Variants in C5AR2 observed in about 807,000 individuals in gnomAD.
C5AR2 encodes the protein complement C5a receptor 2.
For missense variants in C5AR2, 458 were observed against 467.5 expected, an observed-to-expected ratio of 0.98 and a Z score of 0.19; for synonymous variants, 224 against 216.5, an observed-to-expected ratio of 1.03 and a Z score of -0.30.
intron 1 of C5AR2, among the ~76,000 whole-genome samples, chr19:47,339,898 T>C (rs77646732): frequency 0.023 from 3,464 of 152,316 alleles, 54 homozygotes; most frequent in Non-Finnish European, 0.033. Context: ...ATTTTTCCCA[T>C]AGTATTTATT....
intron 1 of C5AR2, among the ~76,000 whole-genome samples, chr19:47,335,479 T>C (rs1454203921): frequency 2.6e-5 from 4 of 151,936 alleles, no homozygotes; most frequent in Middle Eastern, 3.4e-3. Flanking sequence ...GCACAGAAAG[T>C]TTCCTGGATT....
At chr19:47,336,278 C>T (rs1015529371) in intron 1 of C5AR2, among the ~76,000 whole-genome samples, 1 of 151,926 alleles carries the variant, frequency 6.6e-6, no homozygotes, top group Non-Finnish European at 1.5e-5. Flanking sequence ...TTAGTAGAGA[C>T]CAGGTTTCAC....
In C5AR2 at chr19:47,341,244, T is replaced by A. The variant is rs1969019129; in HGVS notation, c.445T>A (p.Cys149Ser). ...PAWWSTVQRACGVQVACGAAW... is the reference protein window; with the variant it reads ...PAWWSTVQRASGVQVACGAAW... ...CTGGTGGTCTACGGTTCAGCGGGCG[T>A]GCGGGGTGCAGGTGGCCTGTGGGGC... Residue 149 changes from cysteine (C) to serine (S), a missense_variant, in exon 2 of 2, where the codon TGC becomes AGC. Transcript: ENST00000595464. The surrounding 1 kb of genome is among the most constrained non-coding windows in gnomAD (Gnocchi z 4.6). 6.2e-7 allele frequency: 1 copy of A among 1,602,354 alleles called. No homozygotes were observed. Among genetic ancestry groups the A allele is most frequent in the African/African-American group, 1.3e-5 (1 of 74,886 alleles).
chr19:47,345,509 C>T lies in C5AR2; in HGVS notation c.*3696C>T, dbSNP rs2972602. Reference sequence around the variant, plus strand: ...CCTCCCCAGTAGCTGGGACTACAGGCGTGTGCCACCAAACCCAGCTAATGT... The same window carrying T: ...CCTCCCCAGTAGCTGGGACTACAGGTGTGTGCCACCAAACCCAGCTAATGT... On this transcript the variant is annotated 3_prime_UTR_variant, in exon 2 of 2. Transcript: ENST00000595464. The T allele has an allele frequency of 0.011, 1,721 of 151,728 alleles. 23 individuals carry two copies. Among genetic ancestry groups the T allele is most frequent in the Middle Eastern group, 0.071 (21 of 294 alleles). 9.4% of individuals were successfully genotyped at this position (151,728 alleles called of 1,614,324 possible). A position where few individuals can be genotyped will look rare whatever the true frequency, so the allele number is the denominator to read the frequency against.
Position 47,346,985 on chromosome 19 carries a change from C to T in C5AR2, c.*5172C>T, listed in dbSNP as rs1969128368. On this transcript the variant is annotated 3_prime_UTR_variant, in exon 2 of 2. Transcript: ENST00000595464. The stretch of plus-strand genomic sequence containing the variant: ...ATGTTTTCATTTTGTAGATCATTAG[C>T]CCTTCTTTTTTGAACTGGAATACAT... The T allele has an allele frequency of 1.3e-5, 2 of 152,242 alleles. No individual in the cohort carries two copies. The highest frequency in any genetic ancestry group is 4.1e-4 in the South Asian group (2 of 4,828). The allele number at this position is 152,242 out of a possible 1,614,324, so 9.4% of individuals were successfully genotyped here.
At position 47,335,702 on chromosome 19, in the gene C5AR2, G is replaced by A. The variant is rs571581962; in HGVS notation, c.-16+3353G>A. Among the ~76,000 whole-genome samples the A allele has an allele frequency of 3.6e-5, 5 of 138,516 alleles. No individual in the cohort carries two copies. The South Asian group carries it at 7.0e-4, about 19-fold the overall frequency. The allele number at this position is 138,516 out of a possible 152,430, so 90.9% of individuals were successfully genotyped here. A position where few individuals can be genotyped will look rare whatever the true frequency, so the allele number is the denominator to read the frequency against. On this transcript the variant is annotated intron_variant, in intron 1 of 1. Coordinates refer to ENST00000595464, the MANE Select transcript of C5AR2 (RefSeq NM_001271749.2). Reference sequence around the variant, plus strand: ...CAGGAGAATCATGCGAACCCGGGAGGTGGAGCTTGCAGTGAGCCGAGATCG... The same window carrying A: ...CAGGAGAATCATGCGAACCCGGGAGATGGAGCTTGCAGTGAGCCGAGATCG...
At chr19:47,340,721 C>A in intron 1 of C5AR2, 64 bp from the exon 2 acceptor site, 1 of 1,508,474 alleles carries the variant, frequency 6.6e-7, no homozygotes, top group Admixed American at 1.7e-5. Context: ...TGATGGACAC[C>A]CTAGATCTCC....
Position 47,341,764 on chromosome 19 carries a change from A to G in C5AR2, c.965A>G (p.Asp322Gly). ...TCCCAGGGCCAGGACGAAAGTGTGG[A>G]CAGCAAGAAATCCACCAGCCATGAC... ...RESQGQDESV[D>G]SKKSTSHDLV... The change falls in exon 2 of 2, where the codon GAC becomes GGC. Residue 322 changes from aspartate to glycine, a missense_variant. Asp to Gly is a moderately conservative substitution (Grantham distance 94). Transcript: ENST00000595464. The surrounding 1 kb of genome is among the most constrained non-coding windows in gnomAD (Gnocchi z 4.6). The G allele has an allele frequency of 3.1e-6, 5 of 1,613,550 alleles. No individual in the cohort carries two copies. Among genetic ancestry groups the G allele is most frequent in the Non-Finnish European group, 4.2e-6 (5 of 1,180,022 alleles).
In C5AR2 at chr19:47,341,269, C is replaced by A; in HGVS notation, c.470C>A (p.Ala157Glu). 6.2e-7 allele frequency: 1 copy of A among 1,604,992 alleles called. No individual in the cohort carries two copies. Residue 157 changes from alanine to glutamate, a missense_variant, in exon 2 of 2, where the codon GCA becomes GAA. Transcript: ENST00000595464. The surrounding 1 kb of genome is among the most constrained non-coding windows in gnomAD (Gnocchi z 4.6). ...TGCGGGGTGCAGGTGGCCTGTGGGG[C>A]AGCCTGGACACTGGCCTTGCTGCTC... Reference protein sequence around the residue: ...RACGVQVACGAAWTLALLLTV... With the variant: ...RACGVQVACGEAWTLALLLTV...
intron 1 of C5AR2, among the ~76,000 whole-genome samples, chr19:47,335,665 G>C (rs1033336977): frequency 5.4e-5 from 8 of 149,092 alleles, no homozygotes; most frequent in Admixed American, 4.8e-4. Context: ...CCAGCTACTC[G>C]GGAGACTGAG....
rs1969079910 is a variant in C5AR2, at chr19:47,343,803, A to C, written c.*1990A>C. 1 of 151,622 alleles carries C rather than the reference A, an allele frequency of 6.6e-6. No homozygotes were observed. Among genetic ancestry groups the C allele is most frequent in the Non-Finnish European group, 1.5e-5 (1 of 67,970 alleles). 9.4% of individuals were successfully genotyped at this position (151,622 alleles called of 1,614,324 possible). ...CAGTGAGCTTAGATCACACCGCTGCACTCCAGCCTGGATGTCAGAATGAGA... is the reference window on the plus strand; with the variant it reads ...CAGTGAGCTTAGATCACACCGCTGCCCTCCAGCCTGGATGTCAGAATGAGA... On this transcript the variant is annotated 3_prime_UTR_variant, in exon 2 of 2. Coordinates refer to ENST00000595464, the MANE Select transcript of C5AR2 (RefSeq NM_001271749.2).
rs1191063316 is a variant in C5AR2, at chr19:47,345,814, G to T, written c.*4001G>T. 6.6e-6 allele frequency: 1 copy of T among 152,170 alleles called. No homozygotes were observed. Among genetic ancestry groups the T allele is most frequent in the African/African-American group, 2.4e-5 (1 of 41,440 alleles). The allele number at this position is 152,170 out of a possible 1,614,324, so 9.4% of individuals were successfully genotyped here. ...GGCAGGACTCAACTCTGGAGATGGG[G>T]CTCGGCTCGAATATTGGACCAAATT... On this transcript the variant is annotated 3_prime_UTR_variant, in exon 2 of 2. Coordinates refer to ENST00000595464, the MANE Select transcript of C5AR2 (RefSeq NM_001271749.2).
At position 47,344,253 on chromosome 19, in the gene C5AR2, G is replaced by T; in HGVS notation, c.*2440G>T. The stretch of plus-strand genomic sequence containing the variant: ...TGCCAGCTACTAGGGAGACTGAAGT[G>T]GGAGGATTGCTTCAGCCTGGGAGGT... On this transcript the variant is annotated 3_prime_UTR_variant, in exon 2 of 2. Coordinates refer to ENST00000595464, the MANE Select transcript of C5AR2 (RefSeq NM_001271749.2). 6.6e-6 allele frequency: 1 copy of T among 152,386 alleles called. No individual in the cohort carries two copies. 9.4% of individuals were successfully genotyped at this position (152,386 alleles called of 1,614,324 possible). A position where few individuals can be genotyped will look rare whatever the true frequency, so the allele number is the denominator to read the frequency against.
chr19:47,338,282 A>T (rs200141513), intron 1 of C5AR2, among the ~76,000 whole-genome samples: 19 of 149,482 alleles, frequency 1.3e-4, no homozygotes, highest in African/African-American at 3.4e-4. Flanking sequence ...CTCTAAAAAA[A>T]ATATATATAT....
At chr19:47,334,888 A>AT (rs1568667475) in intron 1 of C5AR2, among the ~76,000 whole-genome samples, 869 of 4,146 alleles carry the variant, frequency 0.21, 12 homozygotes, top group African/African-American at 0.39. Context: ...AGCCAAATCC[A>AT]ATTTTTTTTT....
chr19:47,337,335 G>C (rs542793770), intron 1 of C5AR2, among the ~76,000 whole-genome samples: 2 of 152,156 alleles, frequency 1.3e-5, no homozygotes. Flanking sequence ...TCTAGGGCAT[G>C]GGGTTCTGCA....
Position 47,340,888 on chromosome 19 carries a change from C to T in C5AR2, c.89C>T (p.Ala30Val), listed in dbSNP as rs1969004478. ...PVDCLDGACL[A>V]IDPLRVAPLP... Reference sequence around the variant, plus strand: ...GACTGCCTGGATGGCGCCTGCCTGGCCATCGACCCGCTGCGCGTGGCCCCG... The same window carrying T: ...GACTGCCTGGATGGCGCCTGCCTGGTCATCGACCCGCTGCGCGTGGCCCCG... Residue 30 changes from alanine (A) to valine (V), a missense_variant, in exon 2 of 2, where the codon GCC becomes GTC. Coordinates refer to ENST00000595464, the MANE Select transcript of C5AR2 (RefSeq NM_001271749.2). The T allele has an allele frequency of 1.2e-6, 2 of 1,613,320 alleles. No homozygotes were observed. Among genetic ancestry groups the T allele is most frequent in the Non-Finnish European group, 1.7e-6 (2 of 1,179,972 alleles).
intron 1 of C5AR2, among the ~76,000 whole-genome samples, chr19:47,339,501 G>A (rs554775063): frequency 1.3e-5 from 2 of 152,086 alleles, no homozygotes; most frequent in South Asian, 4.2e-4. Context: ...GTTTTTAGGA[G>A]AGATGGGGTT....
intron 1 of C5AR2, chr19:47,337,227 C>T (rs1364347704): frequency 6.6e-6 from 1 of 152,270 alleles, no homozygotes; most frequent in Non-Finnish European, 1.5e-5. Flanking sequence ...CAGCCAGCTG[C>T]AACTGACACC....
Sources: allele counts gnomAD v4.1 joint callset (sites outside exome capture counted in the v4.1 genomes callset), GRCh38; gene constraint gnomAD v4.1.1; non-coding constraint Gnocchi (gnomAD v3.1); transcripts MANE v1.5; gene names NCBI Gene and HGNC (gene_info 2026-07-23, HGNC 2026-07-21).